DPYSL3: variants seen among roughly 807,000 people sequenced by gnomAD.
DPYSL3 encodes the protein dihydropyrimidinase like 3.
DPYSL3 carries 16 observed loss-of-function variants against 66.1 expected under a neutral mutation model. The ratio of observed to expected loss-of-function variants is 0.24; its 90% CI spans 0.16 to 0.37. The LOEUF is 0.37. DPYSL3 is among the 10% of genes least tolerant of loss of function. DPYSL3 has a pLI of 1.00. For synonymous variants in DPYSL3, 338 were observed against 345.1 expected, an observed-to-expected ratio of 0.98 and a Z score of 0.23; for missense variants, 738 against 916.2, an observed-to-expected ratio of 0.81 and a Z score of 2.51.
At chr5:147,458,743 A>T (rs764843935) in intron 1 of DPYSL3, among the ~76,000 whole-genome samples, 2 of 152,158 alleles carry the variant, frequency 1.3e-5, no homozygotes, top group Admixed American at 6.5e-5. Flanking sequence ...GGCAAGGAGC[A>T]GGTAGGGTGT....
chr5:147,439,129 C>T (rs181356721), intron 1 of DPYSL3, among the ~76,000 whole-genome samples: 2 of 152,312 alleles, frequency 1.3e-5, no homozygotes, highest in East Asian at 3.9e-4. Context: ...TAAATGCCTC[C>T]TGTTCACAGT....
intron 1 of DPYSL3, chr5:147,453,839 C>T: frequency 2.0e-6 from 2 of 1,023,792 alleles, no homozygotes; most frequent in African/African-American, 1.9e-5. Flanking sequence ...CGTTCACGCC[C>T]GGGTTTTGTT....
rs1752340034 is a variant in DPYSL3, at chr5:147,432,887, A to G, written c.382-7924T>C. On this transcript the variant is annotated intron_variant, in intron 1 of 13. Transcript: ENST00000343218. ...TAGGAATGAATACAATAAAAACATC[A>G]CTAAATTTTGTCTACATTCTGCTGC... Among the ~76,000 whole-genome samples, 2 of 152,238 alleles carry G rather than the reference A, an allele frequency of 1.3e-5. 1 individual carries two copies. Among genetic ancestry groups the G allele is most frequent in the Admixed American group, 1.3e-4 (2 of 15,292 alleles).
At chr5:147,502,512 CT>C (rs1373836773) in intron 1 of DPYSL3, among the ~76,000 whole-genome samples, 2 of 148,886 alleles carry the variant, frequency 1.3e-5, no homozygotes, top group Admixed American at 1.3e-4. Flanking sequence ...TTTGGTACAT[CT>C]TAATTTTTCC....
chr5:147,489,257 CCT>C (rs1435879845), intron 1 of DPYSL3, among the ~76,000 whole-genome samples: 3 of 152,070 alleles, frequency 2.0e-5, no homozygotes, highest in Non-Finnish European at 4.4e-5. Flanking sequence ...TCAGAAATTT[CCT>C]CTGTTAGACA....
chr5:147,452,438 TACACACACAC>T (rs35272843), intron 1 of DPYSL3, among the ~76,000 whole-genome samples: 45 of 142,046 alleles, frequency 3.2e-4, no homozygotes, highest in Non-Finnish European at 6.2e-4. Context: ...ATTCCCCCAC[TACACACACAC>T]ACACACACAC....
chr5:147,433,968 T>A (rs918003487), intron 1 of DPYSL3, among the ~76,000 whole-genome samples: 1 of 150,428 alleles, frequency 6.6e-6, no homozygotes, highest in Non-Finnish European at 1.5e-5. Context: ...AGTCAGAGGT[T>A]GCAGTGAGCT....
chr5:147,423,027 G>C (rs994111557), intron 2 of DPYSL3, among the ~76,000 whole-genome samples: 2 of 152,068 alleles, frequency 1.3e-5, no homozygotes, highest in African/African-American at 2.4e-5. Context: ...AAAGTTCTGT[G>C]AACAATTAGT....
rs2288809 is a variant in DPYSL3, at chr5:147,395,486, C to T, written c.1966+73G>A. On this transcript the variant is annotated intron_variant, in intron 13 of 13. Coordinates refer to ENST00000343218, the MANE Select transcript of DPYSL3 (RefSeq NM_001197294.2). ...CTCCTTCAGGTTGAGTTCTGAGGAA[C>T]ACCCTGTGGCCTCAGAACATTGATC... 8.0e-3 allele frequency: 12,216 copies of T among 1,523,406 alleles called. 797 individuals are homozygous for T. In the East Asian group the frequency reaches 0.17, roughly 21 times the overall value. 94.4% of individuals were successfully genotyped at this position (1,523,406 alleles called of 1,614,324 possible).
chr5:147,418,055 C>T (rs1411789913), intron 3 of DPYSL3, among the ~76,000 whole-genome samples: 5 of 152,196 alleles, frequency 3.3e-5, no homozygotes, highest in African/African-American at 7.2e-5. Flanking sequence ...GCTCCATTCA[C>T]GCTGCTCTGC....
chr5:147,428,080 G>T (rs1354989195), intron 1 of DPYSL3, among the ~76,000 whole-genome samples: 1 of 152,168 alleles, frequency 6.6e-6, no homozygotes, highest in Non-Finnish European at 1.5e-5. Flanking sequence ...AGTAAGCACT[G>T]ATCCAAGTGG....
chr5:147,476,645 TG>T, intron 1 of DPYSL3, among the ~76,000 whole-genome samples: 1 of 152,192 alleles, frequency 6.6e-6, no homozygotes. Flanking sequence ...AAATGCAAAC[TG>T]GTGAAATCTT....
chr5:147,412,181 T>C (rs972958850), intron 6 of DPYSL3, among the ~76,000 whole-genome samples: 48 of 152,232 alleles, frequency 3.2e-4, no homozygotes, highest in African/African-American at 1.1e-3. Flanking sequence ...AAATTCTCTA[T>C]TATCTAAGGC....
chr5:147,411,354 T>C (rs574989898), intron 6 of DPYSL3, among the ~76,000 whole-genome samples: 254 of 152,272 alleles, frequency 1.7e-3, no homozygotes, highest in African/African-American at 5.9e-3. Context: ...GCTGGAGCCC[T>C]GCATGGCTGG....
intron 1 of DPYSL3, among the ~76,000 whole-genome samples, chr5:147,429,874 C>T (rs1752275873): frequency 6.6e-6 from 1 of 152,174 alleles, no homozygotes; most frequent in Non-Finnish European, 1.5e-5. Context: ...AATTCAGTAA[C>T]TTTCAAGCCA....
At chr5:147,448,270 T>A (rs1032451802) in intron 1 of DPYSL3, among the ~76,000 whole-genome samples, 2 of 152,066 alleles carry the variant, frequency 1.3e-5, no homozygotes, top group South Asian at 2.1e-4. Flanking sequence ...TTCAATTAAT[T>A]TAGGAAAATG....
chr5:147,486,123 G>A lies in DPYSL3; in HGVS notation c.381+23355C>T, dbSNP rs76927794. 4.3e-4 allele frequency among the ~76,000 whole-genome samples: 66 copies of A among 152,232 alleles called. 1 individual carries two copies. In the South Asian group the frequency reaches 7.3e-3, roughly 17 times the overall value. On this transcript the variant is annotated intron_variant, in intron 1 of 13. Coordinates refer to ENST00000343218, the MANE Select transcript of DPYSL3 (RefSeq NM_001197294.2). ...CCAAGGCTACATATAGTATAATTTC[G>A]TTTATATAAAATATCCAGAATAGGT...
chr5:147,452,179 ATAG>A (rs1752742506), intron 1 of DPYSL3, among the ~76,000 whole-genome samples: 1 of 152,220 alleles, frequency 6.6e-6, no homozygotes, highest in African/African-American at 2.4e-5. Flanking sequence ...ACAATAAAAC[ATAG>A]TAGGCGCAAG....
chr5:147,426,886 A>T (rs112975516), intron 1 of DPYSL3, among the ~76,000 whole-genome samples: 1 of 152,196 alleles, frequency 6.6e-6, no homozygotes, highest in Non-Finnish European at 1.5e-5. Flanking sequence ...ATACAGATCA[A>T]TGAAGTGTTC....
Sources: gnomAD v4.1 joint callset for allele counts (sites outside exome capture counted in the v4.1 genomes callset) on GRCh38, gnomAD v4.1.1 for gene constraint, MANE v1.5 for transcripts, NCBI Gene and HGNC (gene_info 2026-07-23, HGNC 2026-07-21) for gene names.